The following ADK variants were observed in gnomAD, a reference collection of about 807,000 sequenced individuals.
The protein encoded by ADK is N6,N6-dimethyladenosine kinase.
Under a neutral mutation model 44.7 loss-of-function variants are expected in ADK, and 24 were observed. The observed-to-expected ratio is 0.54, with a 90% CI of 0.39 to 0.76. ADK has a LOEUF of 0.76. Ranked by LOEUF, ADK falls within the 30% of genes least tolerant of loss-of-function variation. The pLI is 0.00. For synonymous variants in ADK, 128 were observed against 142.6 expected (o/e 0.90, Z 0.73); for missense variants, 321 against 425.1 (o/e 0.76, Z 2.15).
intron 9 of ADK, among the ~76,000 whole-genome samples, chr10:74,652,739 G>A (rs1443254081): frequency 6.6e-6 from 1 of 151,188 alleles, no homozygotes. Flanking sequence ...CAGCCTGGGC[G>A]ATACGGCGAG....
At chr10:74,553,489 G>A (rs952424800) in intron 7 of ADK, among the ~76,000 whole-genome samples, 12 of 151,902 alleles carry the variant, frequency 7.9e-5, no homozygotes, top group Non-Finnish European at 8.8e-5. Context: ...ATGAGCCACC[G>A]CGCCTGGCCT....
chr10:74,458,332 G>A (rs1554861874), intron 6 of ADK, among the ~76,000 whole-genome samples: 1 of 147,482 alleles, frequency 6.8e-6, no homozygotes, highest in Admixed American at 6.7e-5. Flanking sequence ...GAGACAGGGG[G>A]TTTTCTATGT....
chr10:74,280,128 A>G (rs1276193831), intron 3 of ADK, among the ~76,000 whole-genome samples: 1 of 151,772 alleles, frequency 6.6e-6, no homozygotes, highest in Non-Finnish European at 1.5e-5. Context: ...CTTTTTAGTG[A>G]TATCTGTGTT....
At chr10:74,512,272 T>C (rs1348752759) in intron 6 of ADK, among the ~76,000 whole-genome samples, 4 of 152,130 alleles carry the variant, frequency 2.6e-5, no homozygotes, top group African/African-American at 9.7e-5. Context: ...TGTTTTGTCC[T>C]TATCTGTTTT....
chr10:74,514,320 C>T (rs914827582), intron 6 of ADK, among the ~76,000 whole-genome samples: 2 of 152,168 alleles, frequency 1.3e-5, no homozygotes, highest in South Asian at 2.1e-4. Flanking sequence ...TGAGCTTTCT[C>T]GACTTGGATG....
intron 6 of ADK, among the ~76,000 whole-genome samples, chr10:74,455,391 G>A (rs931975601): frequency 6.6e-6 from 1 of 152,128 alleles, no homozygotes; most frequent in Non-Finnish European, 1.5e-5. Flanking sequence ...AATTACTTGG[G>A]AGGCCAAGGC....
At chr10:74,656,626 C>G (rs117276858) in intron 9 of ADK, among the ~76,000 whole-genome samples, 1 of 152,028 alleles carries the variant, frequency 6.6e-6, no homozygotes, top group South Asian at 2.1e-4. Context: ...TGTATCCTTG[C>G]GCAAACTACC....
At chr10:74,191,832 A>G (rs1297720800) in intron 1 of ADK, among the ~76,000 whole-genome samples, 1 of 152,196 alleles carries the variant, frequency 6.6e-6, no homozygotes, top group Non-Finnish European at 1.5e-5. Context: ...AGTTCTATAA[A>G]GTTTTATCAT....
At chr10:74,534,751 T>A (rs1157796893) in intron 7 of ADK, among the ~76,000 whole-genome samples, 3 of 152,330 alleles carry the variant, frequency 2.0e-5, no homozygotes, top group South Asian at 2.1e-4. Context: ...CTTGCTTTGA[T>A]AACTCACACT....
At chr10:74,461,141 A>G (rs890224783) in intron 6 of ADK, among the ~76,000 whole-genome samples, 5 of 145,974 alleles carry the variant, frequency 3.4e-5, no homozygotes, top group African/African-American at 1.1e-4. Flanking sequence ...GAAACCGGAA[A>G]TAGAATTTTT....
intron 3 of ADK, among the ~76,000 whole-genome samples, chr10:74,242,606 C>T (rs746626929): frequency 6.6e-6 from 1 of 151,902 alleles, no homozygotes; most frequent in Non-Finnish European, 1.5e-5. Context: ...CTGGTGAAAC[C>T]CCACCTCCAA....
At chr10:74,154,008 T>C (rs1841685206) in intron 1 of ADK, among the ~76,000 whole-genome samples, 1 of 152,106 alleles carries the variant, frequency 6.6e-6, no homozygotes, top group Non-Finnish European at 1.5e-5. Context: ...TAAGTGGGGT[T>C]TGGGAAAATG....
chr10:74,474,924 G>A lies in ADK; in HGVS notation c.556-50332G>A, dbSNP rs74641565. Among the ~76,000 whole-genome samples, 103 of 152,222 alleles carry A rather than the reference G, an allele frequency of 6.8e-4. 2 individuals are homozygous for A. The East Asian group carries it at 0.014, about 20-fold the overall frequency. On this transcript the variant is annotated intron_variant, in intron 6 of 10. Coordinates refer to ENST00000539909, the MANE Select transcript of ADK (RefSeq NM_006721.4). ...AGGCAGATCATGAGGTCAGGAGATC[G>A]AGACCATTCTGACCAACATGGTGAA...
intron 9 of ADK, among the ~76,000 whole-genome samples, chr10:74,602,541 G>A (rs1392096124): frequency 2.0e-5 from 3 of 151,834 alleles, no homozygotes; most frequent in Non-Finnish European, 4.4e-5. Flanking sequence ...TTCTGTGACT[G>A]TATTTCCTTG....
Position 74,172,434 on chromosome 10 carries a change from A to G in ADK, c.65+21091A>G, listed in dbSNP as rs184300771. 4.1e-3 allele frequency among the ~76,000 whole-genome samples: 623 copies of G among 151,950 alleles called. 4 individuals are homozygous for G. Among genetic ancestry groups the G allele is most frequent in the African/African-American group, 0.013 (555 of 41,458 alleles). ...GGCTGGGCGCGGTGGCTCACCTGTA[A>G]TCCCAGCATTTTGGGAGGCCGAGGT... On this transcript the variant is annotated intron_variant, in intron 1 of 10. Coordinates refer to ENST00000539909, the MANE Select transcript of ADK (RefSeq NM_006721.4).
intron 6 of ADK, among the ~76,000 whole-genome samples, chr10:74,471,301 C>T (rs1472022366): frequency 6.6e-6 from 1 of 152,130 alleles, no homozygotes; most frequent in East Asian, 1.9e-4. Context: ...GTCTCGATCT[C>T]CTGACCTCGT....
At chr10:74,228,494 A>C (rs1844633475) in intron 3 of ADK, among the ~76,000 whole-genome samples, 1 of 152,196 alleles carries the variant, frequency 6.6e-6, no homozygotes, top group Non-Finnish European at 1.5e-5. Flanking sequence ...TCACTATTTT[A>C]CTAAGTATTT....
intron 6 of ADK, among the ~76,000 whole-genome samples, chr10:74,519,972 CTA>C (rs1848739462): frequency 6.6e-6 from 1 of 151,824 alleles, no homozygotes; most frequent in Non-Finnish European, 1.5e-5. Flanking sequence ...TTTTCCCACT[CTA>C]GAAGTTTGAT....
intron 6 of ADK, among the ~76,000 whole-genome samples, chr10:74,440,022 A>G (rs1845341795): frequency 6.6e-6 from 1 of 152,016 alleles, no homozygotes. Context: ...TGATTATTTT[A>G]AGTATATAGT....
Sources: gnomAD v4.1 joint callset for allele counts (sites outside exome capture counted in the v4.1 genomes callset) on GRCh38, gnomAD v4.1.1 for gene constraint, MANE v1.5 for transcripts, NCBI Gene and HGNC (gene_info 2026-07-23, HGNC 2026-07-21) for gene names.